MYT1L: variants seen among roughly 807,000 people sequenced by gnomAD.
The protein encoded by MYT1L is myelin transcription factor 1 like.
Under a neutral mutation model 126.7 loss-of-function variants are expected in MYT1L, and 12 were observed. That is an observed-to-expected ratio of 0.09 (90% CI 0.06 to 0.15). The LOEUF (loss-of-function observed/expected upper bound fraction) is 0.15, where lower values mean the gene tolerates loss of function less well. MYT1L is among the 10% of genes least tolerant of loss of function. The pLI, the probability that MYT1L is intolerant of heterozygous loss-of-function variation, is 1.00. For missense variants in MYT1L, 979 were observed against 1,585.2 expected (o/e 0.62, Z 6.49); for synonymous variants, 541 against 604.2 (o/e 0.90, Z 1.53).
At chr2:2,226,231 G>A (rs930194232) in intron 2 of MYT1L, among the ~76,000 whole-genome samples, 3 of 152,164 alleles carry the variant, frequency 2.0e-5, no homozygotes, top group African/African-American at 4.8e-5. Context: ...CAGGGTGTTT[G>A]CTGATCACTT....
intron 3 of MYT1L, among the ~76,000 whole-genome samples, chr2:2,170,578 A>C (rs981132707): frequency 6.6e-6 from 1 of 152,254 alleles, no homozygotes; most frequent in Non-Finnish European, 1.5e-5. Flanking sequence ...TTTATAGCTT[A>C]TTATGTGAAG....
intron 10 of MYT1L, among the ~76,000 whole-genome samples, chr2:1,921,160 G>T (rs563665351): frequency 6.6e-6 from 1 of 152,298 alleles, no homozygotes; most frequent in East Asian, 1.9e-4. Context: ...TTCGCAGTGA[G>T]GAAACTCAGG....
intron 2 of MYT1L, among the ~76,000 whole-genome samples, chr2:2,218,847 A>G (rs147119132): frequency 2.6e-5 from 4 of 152,296 alleles, no homozygotes; most frequent in Non-Finnish European, 5.9e-5. Context: ...GCAGGAGTCT[A>G]AGGTGAGGGC....
intron 22 of MYT1L, among the ~76,000 whole-genome samples, chr2:1,802,803 A>G (rs1295981169): frequency 6.6e-6 from 1 of 152,244 alleles, no homozygotes; most frequent in African/African-American, 2.4e-5. Context: ...ACACAGAAGG[A>G]GAGCAGGAGT....
In MYT1L at chr2:2,259,409, T is replaced by TAAA. The variant is rs71402142; in HGVS notation, c.-421+24992_-421+24994dup. On this transcript the variant is annotated intron_variant, in intron 2 of 24. Transcript: ENST00000647738. Reference sequence around the variant, plus strand: ...TAGAGTATAATAAAAAAAAAAACATTAAAAAAAAAAATGGAACTATGTGAG... The same window carrying TAAA: ...TAGAGTATAATAAAAAAAAAAACATTAAAAAAAAAAAAAATGGAACTATGTGAG... 9.4e-3 allele frequency among the ~76,000 whole-genome samples: 1,347 copies of TAAA among 143,720 alleles called. 48 individuals are homozygous for TAAA. The highest frequency in any genetic ancestry group is 0.035 in the African/African-American group (1,281 of 36,960). The allele number at this position is 143,720 out of a possible 152,430, so 94.3% of individuals were successfully genotyped here. A position where few individuals can be genotyped will look rare whatever the true frequency, so the allele number is the denominator to read the frequency against.
intron 3 of MYT1L, among the ~76,000 whole-genome samples, chr2:2,084,379 T>C (rs891815825): frequency 1.3e-5 from 2 of 152,222 alleles, no homozygotes; most frequent in Non-Finnish European, 1.5e-5. Context: ...GCCTTGTGTG[T>C]GAAAAACAGG....
At position 1,892,416 on chromosome 2, in the gene MYT1L, G is replaced by T. The variant is rs1208052533; in HGVS notation, c.2033-129C>A. 7 of 1,260,684 alleles carry T rather than the reference G, an allele frequency of 5.6e-6. No homozygotes were observed. The Admixed American group carries it at 8.9e-5, about 16-fold the overall frequency. The allele number at this position is 1,260,684 out of a possible 1,614,324, so 78.1% of individuals were successfully genotyped here. A position where few individuals can be genotyped will look rare whatever the true frequency, so the allele number is the denominator to read the frequency against. ...CGTGGGACGGCCCTCAGGGTGCTGG[G>T]GCTTACGCGTAAAGAAAACAAACAA... On this transcript the variant is annotated intron_variant, in intron 14 of 24. Transcript: ENST00000647738.
At chr2:1,913,046 C>T (rs1443204729) in intron 11 of MYT1L, among the ~76,000 whole-genome samples, 1 of 152,176 alleles carries the variant, frequency 6.6e-6, no homozygotes, top group Non-Finnish European at 1.5e-5. Flanking sequence ...GCAAGGTTTA[C>T]CTGAGGCCAG....
At chr2:1,862,774 G>A (rs955811352) in intron 18 of MYT1L, among the ~76,000 whole-genome samples, 9 of 152,160 alleles carry the variant, frequency 5.9e-5, no homozygotes, top group Non-Finnish European at 1.2e-4. Flanking sequence ...GGATGTGGCC[G>A]TCTCATATTC....
intron 2 of MYT1L, among the ~76,000 whole-genome samples, chr2:2,176,841 G>A (rs992348756): frequency 6.6e-6 from 1 of 152,112 alleles, no homozygotes; most frequent in Non-Finnish European, 1.5e-5. Context: ...AGACACCACT[G>A]ATTCCAACAT....
intron 4 of MYT1L, among the ~76,000 whole-genome samples, chr2:2,014,641 A>G (rs2064189360): frequency 6.6e-6 from 1 of 152,232 alleles, no homozygotes; most frequent in Non-Finnish European, 1.5e-5. Context: ...TCTGATTCAT[A>G]ATCTGAGTGC....
At chr2:1,797,870 CCCATCCG>C (rs2033934269) in intron 23 of MYT1L, among the ~76,000 whole-genome samples, 1 of 114,132 alleles carries the variant, frequency 8.8e-6, no homozygotes, top group African/African-American at 3.2e-5. Context: ...GCGGTCTCCC[CCCATCCG>C]GCACAGGCGC....
At chr2:1,965,907 C>T (rs2149411698) in intron 8 of MYT1L, among the ~76,000 whole-genome samples, 1 of 152,364 alleles carries the variant, frequency 6.6e-6, no homozygotes, top group East Asian at 1.9e-4. Context: ...TCCGAGGCTG[C>T]CAAGCACCCG....
chr2:2,140,713 G>A (rs988041267), intron 3 of MYT1L, among the ~76,000 whole-genome samples: 13 of 152,142 alleles, frequency 8.5e-5, no homozygotes, highest in African/African-American at 2.6e-4. Context: ...GATTACAGGC[G>A]TGAGACACCA....
At chr2:2,184,078 A>G (rs1214159292) in intron 2 of MYT1L, among the ~76,000 whole-genome samples, 1 of 148,026 alleles carries the variant, frequency 6.8e-6, no homozygotes, top group Non-Finnish European at 1.5e-5. Context: ...AGAGAGAAAC[A>G]GAGAGAGGGA....
chr2:2,038,176 G>A (rs1169975887), intron 4 of MYT1L, among the ~76,000 whole-genome samples: 1 of 152,234 alleles, frequency 6.6e-6, no homozygotes, highest in Non-Finnish European at 1.5e-5. Context: ...GGGACTATTA[G>A]AATGGCCTGC....
intron 2 of MYT1L, 79 bp from the exon 3 acceptor site, chr2:2,173,067 C>T (rs1440934696): frequency 2.0e-5 from 3 of 152,230 alleles, no homozygotes; most frequent in Non-Finnish European, 4.4e-5. Context: ...TTCCCCTGTG[C>T]TGTGACACTC....
At chr2:2,132,023 C>G (rs1253694844) in intron 3 of MYT1L, among the ~76,000 whole-genome samples, 3 of 151,466 alleles carry the variant, frequency 2.0e-5, no homozygotes, top group African/African-American at 7.3e-5. Flanking sequence ...ATTCTCCCAC[C>G]TCAGCCTCCG....
intron 21 of MYT1L, 131 bp from the exon 22 acceptor site, chr2:1,809,298 A>C: frequency 5.0e-6 from 4 of 799,856 alleles, no homozygotes; most frequent in Non-Finnish European, 8.6e-6. Flanking sequence ...TGAAAATGAG[A>C]AAAAGCAAAA....
Sources: gnomAD v4.1 joint callset for allele counts (sites outside exome capture counted in the v4.1 genomes callset) on GRCh38, gnomAD v4.1.1 for gene constraint, MANE v1.5 for transcripts, NCBI Gene and HGNC (gene_info 2026-07-23, HGNC 2026-07-21) for gene names.